Variants in KCNG3 observed in about 807,000 individuals in gnomAD.
KCNG3 encodes the protein voltage-gated potassium channel regulatory subunit KCNG3.
In KCNG3, 15 loss-of-function variants were observed where a neutral mutation model predicts 29.0. The ratio of observed to expected loss-of-function variants is 0.52; its 90% confidence interval spans 0.35 to 0.80. KCNG3 has a LOEUF of 0.80. Among genes scored for constraint, KCNG3 ranks in the 30% least tolerant of loss-of-function variants. The probability of loss-of-function intolerance (pLI) is 0.01; values close to 1 mark genes in which losing one functional copy is unlikely to be tolerated. For synonymous variants in KCNG3, 322 were observed against 248.9 expected, an observed-to-expected ratio of 1.29 and a Z score of -2.76; for missense variants, 512 against 605.7, an observed-to-expected ratio of 0.85 and a Z score of 1.62.
At chr2:42,440,674 A>T (rs1048205922), downstream of KCNG3, among the ~76,000 whole-genome samples, 2 of 152,220 alleles carry the variant, frequency 1.3e-5, no homozygotes, top group African/African-American at 4.8e-5. Flanking sequence ...CTTTTCAGAA[A>T]GTATGAACTT....
intron 1 of KCNG3, among the ~76,000 whole-genome samples, chr2:42,483,364 T>C (rs1673639355): frequency 6.6e-6 from 1 of 152,234 alleles, no homozygotes; most frequent in African/African-American, 2.4e-5. Flanking sequence ...TTTTCCACTT[T>C]GGAATTTAGC....
At position 42,493,670 on chromosome 2, in the gene KCNG3, C is replaced by T. The variant is rs1366596139; in HGVS notation, c.-169G>A. ...CCGCTGGCCCGGGGGTCCCTGGGCT[C>T]GAGTATCTCCGGCGCTGCTAGTAGC... On this transcript the variant is annotated 5_prime_UTR_variant, in exon 1 of 2. Coordinates refer to ENST00000306078, the MANE Select transcript of KCNG3 (RefSeq NM_133329.6). 1.3e-5 allele frequency: 6 copies of T among 459,278 alleles called. No individual in the cohort carries two copies. The highest frequency in any genetic ancestry group is 1.0e-4 in the African/African-American group (5 of 49,158). 28.5% of individuals were successfully genotyped at this position (459,278 alleles called of 1,614,324 possible).
the KCNG3 span, among the ~76,000 whole-genome samples, chr2:42,415,773 A>G: frequency 6.6e-6 from 1 of 152,166 alleles, no homozygotes; most frequent in African/African-American, 2.4e-5. Flanking sequence ...CTACTTGGCC[A>G]TAAAAAATTT....
At chr2:42,420,888 CCATTTAAAAA>C in the KCNG3 span, among the ~76,000 whole-genome samples, 1 of 152,198 alleles carries the variant, frequency 6.6e-6, no homozygotes, top group Non-Finnish European at 1.5e-5. Context: ...GACATATTGA[CCATTTAAAAA>C]AATTGAATTG....
chr2:42,467,858 C>G (rs149576935), intron 1 of KCNG3, among the ~76,000 whole-genome samples: 5 of 151,362 alleles, frequency 3.3e-5, no homozygotes, highest in Non-Finnish European at 7.4e-5. Context: ...ATAGTCCTAG[C>G]TACTGGGGAG....
the KCNG3 span, among the ~76,000 whole-genome samples, chr2:42,423,198 ATC>A: frequency 6.6e-6 from 1 of 151,840 alleles, no homozygotes; most frequent in Admixed American, 6.6e-5. Context: ...CTCTCTTTCT[ATC>A]TCTCTCTCAT....
At chr2:42,484,683 C>T (rs1345800952) in intron 1 of KCNG3, among the ~76,000 whole-genome samples, 1 of 151,900 alleles carries the variant, frequency 6.6e-6, no homozygotes, top group African/African-American at 2.4e-5. Flanking sequence ...ACTTTTTTTC[C>T]GATGAAGAAA....
At chr2:42,409,853 T>A in the KCNG3 span, among the ~76,000 whole-genome samples, 1 of 152,056 alleles carries the variant, frequency 6.6e-6, no homozygotes, top group Non-Finnish European at 1.5e-5. Flanking sequence ...ATAACGTGAT[T>A]GACAATTGAC....
the KCNG3 span, among the ~76,000 whole-genome samples, chr2:42,436,530 T>C: frequency 2.0e-5 from 3 of 152,196 alleles, no homozygotes; most frequent in Non-Finnish European, 4.4e-5. Flanking sequence ...CTGGTCAAGG[T>C]AGTCATGTAC....
intron 1 of KCNG3, among the ~76,000 whole-genome samples, chr2:42,455,186 C>T (rs1368060998): frequency 2.0e-5 from 3 of 152,102 alleles, no homozygotes; most frequent in Non-Finnish European, 2.9e-5. Flanking sequence ...GCTGAGATCT[C>T]GCTATGTTGC....
chr2:42,454,687 A>G (rs1446044735), intron 1 of KCNG3, among the ~76,000 whole-genome samples: 1 of 150,176 alleles, frequency 6.7e-6, no homozygotes, highest in African/African-American at 2.5e-5. Flanking sequence ...ACTGGGCGAC[A>G]GAGCAAGACT....
intron 1 of KCNG3, among the ~76,000 whole-genome samples, chr2:42,469,579 TCA>T (rs1319791023): frequency 6.6e-6 from 1 of 152,090 alleles, no homozygotes; most frequent in Non-Finnish European, 1.5e-5. Context: ...ATTAAATTCC[TCA>T]CATAAATAAT....
the KCNG3 span, among the ~76,000 whole-genome samples, chr2:42,433,201 T>A: frequency 6.6e-6 from 1 of 152,200 alleles, no homozygotes; most frequent in Non-Finnish European, 1.5e-5. Context: ...AGTAAAATTA[T>A]CTCCAGTTGC....
the KCNG3 span, among the ~76,000 whole-genome samples, chr2:42,425,341 G>T: frequency 2.7e-5 from 4 of 148,788 alleles, no homozygotes; most frequent in South Asian, 2.1e-4. Context: ...AGAGGCTGCA[G>T]TGAACTAAGG....
At chr2:42,484,416 C>T (rs148914280) in intron 1 of KCNG3, among the ~76,000 whole-genome samples, 2,576 of 152,150 alleles carry the variant, frequency 0.017, 55 homozygotes, top group African/African-American at 0.058. Context: ...GAGCCGAGAT[C>T]GTGCCACTGC....
chr2:42,476,981 C>T (rs948466123), intron 1 of KCNG3, among the ~76,000 whole-genome samples: 9 of 145,944 alleles, frequency 6.2e-5, no homozygotes, highest in African/African-American at 1.8e-4. Flanking sequence ...GTCCGGAGAT[C>T]GAGACCATCC....
At position 42,469,921 on chromosome 2, in the gene KCNG3, G is replaced by T. The variant is rs538309032; in HGVS notation, c.665+22916C>A. 2.9e-5 allele frequency: 9 copies of T among 311,846 alleles called. No homozygotes were observed. The East Asian group carries it at 5.4e-4, about 19-fold the overall frequency. 19.3% of individuals were successfully genotyped at this position (311,846 alleles called of 1,614,324 possible). A position where few individuals can be genotyped will look rare whatever the true frequency, so the allele number is the denominator to read the frequency against. On this transcript the variant is annotated intron_variant, in intron 1 of 1. Coordinates refer to ENST00000306078, the MANE Select transcript of KCNG3 (RefSeq NM_133329.6). ...AGTTGACATCTGATGAAATGAAGGA[G>T]ATTTACAAACTGGCCAACAAGGCCT...
the KCNG3 span, among the ~76,000 whole-genome samples, chr2:42,432,934 TAAAAA>T: frequency 1.5e-5 from 2 of 132,770 alleles, no homozygotes; most frequent in African/African-American, 5.3e-5. Context: ...GCTTTTATGA[TAAAAA>T]AAAAAAAAAC....
chr2:42,476,487 A>T (rs67699740), intron 1 of KCNG3, among the ~76,000 whole-genome samples: 58,700 of 150,158 alleles, frequency 0.39, 11,692 homozygotes, highest in Admixed American at 0.53. Context: ...ATAAAAATTT[A>T]AAAAAAAAAA....
Sources: gnomAD v4.1 joint callset for allele counts (sites outside exome capture counted in the v4.1 genomes callset) on GRCh38, gnomAD v4.1.1 for gene constraint, MANE v1.5 for transcripts, NCBI Gene and HGNC (gene_info 2026-07-23, HGNC 2026-07-21) for gene names.